Variants in PTPRE observed in about 807,000 individuals in gnomAD.
PTPRE encodes the protein protein tyrosine phosphatase receptor type E.
In PTPRE, 51 loss-of-function variants were observed where a neutral mutation model predicts 102.0. That is an observed-to-expected ratio of 0.50 (90% CI 0.40 to 0.63). The LOEUF is 0.63. PTPRE is among the 30% of genes least tolerant of loss of function. The probability of loss-of-function intolerance (pLI) is 0.00; values close to 1 mark genes in which losing one functional copy is unlikely to be tolerated. For synonymous variants in PTPRE, 345 were observed against 348.2 expected (o/e 0.99, Z 0.10); for missense variants, 752 against 915.1 (o/e 0.82, Z 2.30).
At chr10:127,995,863 A>C (rs1438410064) in intron 2 of PTPRE, among the ~76,000 whole-genome samples, 1 of 151,220 alleles carries the variant, frequency 6.6e-6, no homozygotes, top group East Asian at 1.9e-4. Context: ...ACACGCACGC[A>C]AAGTATTGGA....
chr10:128,024,991 A>G (rs542978200), intron 2 of PTPRE, among the ~76,000 whole-genome samples: 1 of 152,034 alleles, frequency 6.6e-6, no homozygotes, highest in East Asian at 1.9e-4. Flanking sequence ...ACCCATCTCT[A>G]CAAAAAATAT....
intron 1 of PTPRE, among the ~76,000 whole-genome samples, chr10:127,967,395 T>A (rs1850338839): frequency 6.6e-6 from 1 of 151,866 alleles, no homozygotes; most frequent in Non-Finnish European, 1.5e-5. Flanking sequence ...TGGCAACAGG[T>A]TTTTCCCGTG....
chr10:127,935,747 A>G (rs1319602084), intron 1 of PTPRE, among the ~76,000 whole-genome samples: 4 of 152,128 alleles, frequency 2.6e-5, no homozygotes, highest in African/African-American at 9.7e-5. Context: ...CTCAGTGCCC[A>G]GGCACATCAA....
intron 1 of PTPRE, among the ~76,000 whole-genome samples, chr10:127,969,683 G>GGT (rs368828538): frequency 7.2e-4 from 80 of 110,472 alleles, no homozygotes; most frequent in Middle Eastern, 8.5e-3. Context: ...AAAAAAAAAA[G>GGT]GGGGGCGGGG....
intron 1 of PTPRE, among the ~76,000 whole-genome samples, chr10:127,960,130 G>A (rs775235079): frequency 5.9e-5 from 9 of 152,172 alleles, no homozygotes; most frequent in Admixed American, 1.3e-4. Flanking sequence ...TCCAGCTTGG[G>A]CATGCTTGCT....
Position 128,063,181 on chromosome 10 carries a change from G to C in PTPRE, c.723+1G>C. 6.2e-7 allele frequency: 1 copy of C among 1,614,102 alleles called. No individual in the cohort carries two copies. Among genetic ancestry groups the C allele is most frequent in the Non-Finnish European group, 8.5e-7 (1 of 1,179,992 alleles). On this transcript the variant is annotated splice_donor_variant, in intron 10 of 20. Coordinates refer to ENST00000254667, the MANE Select transcript of PTPRE (RefSeq NM_006504.6). LOFTEE classifies it high-confidence loss of function. ...AACAAACTTGAAAGAAAGGAAAGAG[G>C]TGAGTTCCAGGCATCTGGCCCCGGT... is the stretch of plus-strand genomic sequence containing the variant.
chr10:128,010,545 C>CTT (rs71472682), intron 2 of PTPRE, among the ~76,000 whole-genome samples: 14 of 128,330 alleles, frequency 1.1e-4, no homozygotes, highest in Admixed American at 3.3e-4. Context: ...AAACCCTGTT[C>CTT]CTTTTCTTTT....
At chr10:128,004,245 C>T (rs921233403) in intron 2 of PTPRE, among the ~76,000 whole-genome samples, 7 of 151,168 alleles carry the variant, frequency 4.6e-5, no homozygotes, top group Non-Finnish European at 7.4e-5. Flanking sequence ...CATCCCAAAG[C>T]GCAGTACATG....
chr10:127,984,118 G>A (rs1052451942), intron 2 of PTPRE, among the ~76,000 whole-genome samples: 6 of 97,148 alleles, frequency 6.2e-5, no homozygotes, highest in African/African-American at 8.4e-5. Context: ...TTTTCCTCTT[G>A]TTACCCAGGC....
chr10:127,956,860 A>G (rs561564944), intron 1 of PTPRE, among the ~76,000 whole-genome samples: 2 of 152,200 alleles, frequency 1.3e-5, no homozygotes, highest in African/African-American at 2.4e-5. Flanking sequence ...TTTTCCATCC[A>G]TATGTTTTCT....
rs138735647 is a variant in PTPRE, at chr10:128,062,050, T to C, written c.625+335T>C. ...TTGGGCGAGGGGTTAGTGGGGTGAA[T>C]AGCTTTTCAGATCAAGGCCATAACT... On this transcript the variant is annotated intron_variant, in intron 9 of 20. Transcript: ENST00000254667. Among the ~76,000 whole-genome samples the C allele has an allele frequency of 5.1e-3, 771 of 152,280 alleles. 7 individuals are homozygous for C. The highest frequency in any genetic ancestry group is 0.027 in the Middle Eastern group (8 of 294).
At position 127,944,121 on chromosome 10, in the gene PTPRE, C is replaced by A. The variant is rs1447933476; in HGVS notation, c.-31+36812C>A. Among the ~76,000 whole-genome samples the A allele has an allele frequency of 6.6e-6, 1 of 152,140 alleles. No homozygotes were observed. The highest frequency in any genetic ancestry group is 2.4e-5 in the African/African-American group (1 of 41,412). On this transcript the variant is annotated intron_variant, in intron 1 of 20. Transcript: ENST00000254667. This position sits in a 1 kb window ranked among gnomAD's most constrained non-coding sequence, Gnocchi z 4.2. ...GACTTTCGGCCAGGGTGGAGAGTGG[C>A]AGCAAATCATGGTTCTGCTGCTGGA...
In PTPRE at chr10:128,076,638, A is replaced by G. The variant is rs1851229361; in HGVS notation, c.1635A>G (p.Ser545=). 4.3e-6 allele frequency: 7 copies of G among 1,611,078 alleles called. No individual in the cohort carries two copies. The highest frequency in any genetic ancestry group is 5.9e-6 in the Non-Finnish European group (7 of 1,179,258). Residue 545 remains serine, a synonymous_variant, in exon 18 of 21, where the codon TCA becomes TCG. Coordinates refer to ENST00000254667, the MANE Select transcript of PTPRE (RefSeq NM_006504.6). ...ACCAGTATTGGCCAACCGAGGGCTC[A>G]GTTACTCATGGAGAAATAACGATTG... The part of the protein sequence containing the change: ...KCYQYWPTEG[S]VTHGEITIEI...
At chr10:127,969,985 C>A (rs1850593142) in intron 1 of PTPRE, among the ~76,000 whole-genome samples, 1 of 152,216 alleles carries the variant, frequency 6.6e-6, no homozygotes, top group Non-Finnish European at 1.5e-5. Flanking sequence ...TCTCCCTTTG[C>A]ACAGAAATTC....
At chr10:128,067,856 G>A (rs1428715302) in intron 11 of PTPRE, among the ~76,000 whole-genome samples, 2 of 152,168 alleles carry the variant, frequency 1.3e-5, no homozygotes, top group Non-Finnish European at 2.9e-5. Context: ...ACCAACTTTG[G>A]GGATGTGTCT....
chr10:127,986,191 T>C (rs900098427), intron 2 of PTPRE, among the ~76,000 whole-genome samples: 1 of 152,224 alleles, frequency 6.6e-6, no homozygotes, highest in African/African-American at 2.4e-5. Flanking sequence ...CCCATTCCCA[T>C]GTTTTCCTTT....
intron 1 of PTPRE, among the ~76,000 whole-genome samples, chr10:127,913,806 C>T (rs1438393365): frequency 6.6e-6 from 1 of 152,212 alleles, no homozygotes; most frequent in East Asian, 1.9e-4. Flanking sequence ...CAGAGGTGGA[C>T]ACCTACTTCC....
chr10:128,002,010 T>C (rs968974846), intron 2 of PTPRE, among the ~76,000 whole-genome samples: 123 of 152,266 alleles, frequency 8.1e-4, no homozygotes, highest in African/African-American at 2.8e-3. Context: ...GCTGGAGGGC[T>C]GTTCTGTCGC....
intron 2 of PTPRE, chr10:127,987,260 C>T: frequency 9.4e-7 from 1 of 1,068,156 alleles, no homozygotes; most frequent in Non-Finnish European, 1.2e-6. Context: ...TATATAAACT[C>T]ATGTCTCGTC....
Sources: allele counts gnomAD v4.1 joint callset (sites outside exome capture counted in the v4.1 genomes callset), GRCh38; gene constraint gnomAD v4.1.1; non-coding constraint Gnocchi (gnomAD v3.1); transcripts MANE v1.5; gene names NCBI Gene and HGNC (gene_info 2026-07-23, HGNC 2026-07-21).